Variants in TEX15 observed in about 807,000 individuals in gnomAD.
TEX15 encodes testis-expressed protein 15.
TEX15 carries 171 observed loss-of-function variants against 237.3 expected under a neutral mutation model. That is an observed-to-expected ratio of 0.72 (90% CI 0.64 to 0.82). The LOEUF is 0.82. Ranked by LOEUF, TEX15 falls within the 40% of genes least tolerant of loss-of-function variation. The pLI is 0.00. For missense variants in TEX15, 3,750 were observed against 3,646.5 expected (o/e 1.03, Z -0.73); for synonymous variants, 1,338 against 1,269.8 (o/e 1.05, Z -1.14).
chr8:30,867,386 G>A lies in TEX15; in HGVS notation c.419C>T (p.Ala140Val). ...QIYQNGISTR[A>V]STLKILGNPL... ...ATTTCCTAGTATCTTCAATGTAGAT[G>A]CTCTGGTACTTATTCCATTCTGATA... Residue 140 changes from alanine (A) to valine (V), a missense_variant, in exon 5 of 11, where the codon GCA becomes GTA. Ala to Val is a moderately conservative substitution (Grantham distance 64, BLOSUM62 0). Coordinates refer to ENST00000643185, the MANE Select transcript of TEX15 (RefSeq NM_001350162.2). 5.2e-6 allele frequency: 8 copies of A among 1,526,280 alleles called. No homozygotes were observed. Among genetic ancestry groups the A allele is most frequent in the Non-Finnish European group, 7.0e-6 (8 of 1,138,278 alleles). The allele number at this position is 1,526,280 out of a possible 1,614,324, so 94.5% of individuals were successfully genotyped here. A position where few individuals can be genotyped will look rare whatever the true frequency, so the allele number is the denominator to read the frequency against.
At chr8:30,901,065 G>C (rs865910076) in intron 1 of TEX15, among the ~76,000 whole-genome samples, 1 of 152,216 alleles carries the variant, frequency 6.6e-6, no homozygotes, top group African/African-American at 2.4e-5. Context: ...TTGAGCCTAG[G>C]AAGTCAAGGC....
chr8:30,889,954 C>CATATATATATATACGTATAT (rs1808760401), intron 2 of TEX15, among the ~76,000 whole-genome samples: 1 of 110,084 alleles, frequency 9.1e-6, no homozygotes, highest in African/African-American at 4.5e-5. Flanking sequence ...TATATATATA[C>CATATATATATATACGTATAT]ATATATATAT....
At chr8:30,898,590 A>G (rs892204672) in intron 2 of TEX15, among the ~76,000 whole-genome samples, 152 bp downstream of exon 2, 1 of 152,264 alleles carries the variant, frequency 6.6e-6, no homozygotes, top group African/African-American at 2.4e-5. Context: ...ATAAATATTT[A>G]CATACTTTAA....
chr8:30,842,957 A>G lies in TEX15; in HGVS notation c.7210T>C (p.Tyr2404His). Reference protein sequence around the residue: ...CTDHLEILKKYFQMLQDNNMD... With the variant: ...CTDHLEILKKHFQMLQDNNMD... Reference sequence around the variant, plus strand: ...TTATTATCTTGTAGCATCTGAAAGTATTTTTTTAAAATTTCTAAGTGATCT... The same window carrying G: ...TTATTATCTTGTAGCATCTGAAAGTGTTTTTTTAAAATTTCTAAGTGATCT... Residue 2404 changes from tyrosine to histidine, a missense_variant, in exon 8 of 11, where the codon TAC becomes CAC. Coordinates refer to ENST00000643185, the MANE Select transcript of TEX15 (RefSeq NM_001350162.2). 6.2e-7 allele frequency: 1 copy of G among 1,610,780 alleles called. No individual in the cohort carries two copies.
chr8:30,872,263 A>G (rs900529298), intron 4 of TEX15, among the ~76,000 whole-genome samples: 4 of 152,118 alleles, frequency 2.6e-5, no homozygotes, highest in African/African-American at 9.7e-5. Flanking sequence ...CAAAAATACA[A>G]TGGTGGTCCC....
At chr8:30,888,075 C>T (rs1273523495) in intron 2 of TEX15, among the ~76,000 whole-genome samples, 2 of 151,104 alleles carry the variant, frequency 1.3e-5, no homozygotes, top group Non-Finnish European at 3.0e-5. Flanking sequence ...CCAAATACTC[C>T]ATTTTTTTTT....
chr8:30,835,758 T>C (rs1187027554), intron 10 of TEX15, among the ~76,000 whole-genome samples: 1 of 152,226 alleles, frequency 6.6e-6, no homozygotes, highest in Non-Finnish European at 1.5e-5. Context: ...AAAACACCTA[T>C]ATTCTAATCA....
chr8:30,840,561 C>A (rs976914037), intron 8 of TEX15, among the ~76,000 whole-genome samples: 1 of 152,150 alleles, frequency 6.6e-6, no homozygotes, highest in African/African-American at 2.4e-5. Context: ...TTCTTGTAAA[C>A]CAGTTGCTAA....
chr8:30,847,338 T>A lies in TEX15; in HGVS notation c.2829A>T (p.Glu943Asp). ...SAATALLESEEDTISAVKQKD... is the reference protein window; with the variant it reads ...SAATALLESEDDTISAVKQKD... ...TTTGTTTCACGGCACTAATGGTATC[T>A]TCTTCACTCTCTAATAATGCAGTTG... The change falls in exon 8 of 11, where the codon GAA (glutamate) becomes GAT (aspartate). Residue 943 changes from glutamate to aspartate, a missense_variant. Glu to Asp is a conservative substitution (Grantham distance 45, BLOSUM62 2). Coordinates refer to ENST00000643185, the MANE Select transcript of TEX15 (RefSeq NM_001350162.2). The A allele has an allele frequency of 6.2e-7, 1 of 1,613,882 alleles. No individual in the cohort carries two copies. The highest frequency in any genetic ancestry group is 8.5e-7 in the Non-Finnish European group (1 of 1,179,916).
Position 30,907,651 on chromosome 8 carries a change from TTATA to T in TEX15, c.-86+5224_-86+5227del, listed in dbSNP as rs1282389623. Among the ~76,000 whole-genome samples the T allele has an allele frequency of 4.9e-5, 7 of 142,516 alleles. No individual in the cohort carries two copies. The East Asian group carries it at 1.4e-3, about 28-fold the overall frequency. 93.5% of individuals were successfully genotyped at this position (142,516 alleles called of 152,430 possible). A position where few individuals can be genotyped will look rare whatever the true frequency, so the allele number is the denominator to read the frequency against. ...ATAAATTTTATATCTAATTTATATA[TTATA>T]TATAATTTATATATAAATTATATAT... On this transcript the variant is annotated intron_variant, in intron 1 of 10. Transcript: ENST00000643185.
intron 1 of TEX15, among the ~76,000 whole-genome samples, chr8:30,907,452 T>C (rs1359381364): frequency 1.4e-5 from 2 of 148,022 alleles, no homozygotes; most frequent in Non-Finnish European, 3.0e-5. Context: ...ACAATGTATA[T>C]ATAAATTATA....
At position 30,845,663 on chromosome 8, in the gene TEX15, T is replaced by TG; in HGVS notation, c.4503dup (p.Thr1502HisfsTer10). ...CAAAATTCTCCCATGTGACTGGTGGTGGGGTGACTTTTTGAGACACTGCTA... is the reference window on the plus strand; with the variant it reads ...CAAAATTCTCCCATGTGACTGGTGGTGGGGGTGACTTTTTGAGACACTGCTA... On this transcript the variant is annotated frameshift_variant, in exon 8 of 11. Coordinates refer to ENST00000643185, the MANE Select transcript of TEX15 (RefSeq NM_001350162.2). LOFTEE classifies it high-confidence loss of function. The TG allele has an allele frequency of 6.2e-7, 1 of 1,613,594 alleles. No individual in the cohort carries two copies. Among genetic ancestry groups the TG allele is most frequent in the Non-Finnish European group, 8.5e-7 (1 of 1,179,614 alleles).
In TEX15 at chr8:30,848,577, C is replaced by T. The variant is rs916087505; in HGVS notation, c.1590G>A (p.Gly530=). ...AAAAATTACCTTGGTCCTTACATTG[C>T]CCTGCCATGGTAACTTTATTGGGAG... The part of the protein sequence containing the change: ...CIPPNKVTMA[G]QCKDQGNFSF... Residue 530 remains glycine (G), a synonymous_variant, in exon 8 of 11, where the codon GGG becomes GGA. Transcript: ENST00000643185. The T allele has an allele frequency of 1.2e-6, 2 of 1,613,974 alleles. No homozygotes were observed. Among genetic ancestry groups the T allele is most frequent in the Non-Finnish European group, 8.5e-7 (1 of 1,180,022 alleles).
Position 30,875,023 on chromosome 8 carries a change from T to G in TEX15, c.216A>C (p.Val72=). The G allele has an allele frequency of 7.2e-7, 1 of 1,397,838 alleles. No homozygotes were observed. Among genetic ancestry groups the G allele is most frequent in the Non-Finnish European group, 9.3e-7 (1 of 1,074,908 alleles). The allele number at this position is 1,397,838 out of a possible 1,614,324, so 86.6% of individuals were successfully genotyped here. The part of the protein sequence containing the change: ...HDTLNQCRLD[V]NCDLQSLWQF... Reference sequence around the variant, plus strand: ...GCCATAACGACTGCAGATCACAGTTTACATCAAGCCTGCACTGGTTAAGAG... The same window carrying G: ...GCCATAACGACTGCAGATCACAGTTGACATCAAGCCTGCACTGGTTAAGAG... The change falls in exon 4 of 11, where the codon GTA becomes GTC. Residue 72 remains valine, a synonymous_variant. Coordinates refer to ENST00000643185, the MANE Select transcript of TEX15 (RefSeq NM_001350162.2).
At chr8:30,883,855 G>C (rs1245685246) in intron 3 of TEX15, among the ~76,000 whole-genome samples, 2 of 152,048 alleles carry the variant, frequency 1.3e-5, no homozygotes, top group Non-Finnish European at 2.9e-5. Flanking sequence ...TATTCCTTTG[G>C]GTATATACCC....
At chr8:30,881,185 G>A (rs541710224) in intron 3 of TEX15, among the ~76,000 whole-genome samples, 2 of 152,130 alleles carry the variant, frequency 1.3e-5, no homozygotes, top group African/African-American at 2.4e-5. Flanking sequence ...CAATTATCAC[G>A]GACAATGGTC....
At chr8:30,909,403 C>A (rs947075672) in intron 1 of TEX15, among the ~76,000 whole-genome samples, 3 of 141,456 alleles carry the variant, frequency 2.1e-5, no homozygotes, top group Admixed American at 7.1e-5. Flanking sequence ...GACCCCCCCC[C>A]GCCCCCACTC....
chr8:30,847,051 T>C lies in TEX15; in HGVS notation c.3116A>G (p.Gln1039Arg). 1 of 1,612,840 alleles carries C rather than the reference T, an allele frequency of 6.2e-7. No individual in the cohort carries two copies. Among genetic ancestry groups the C allele is most frequent in the Non-Finnish European group, 8.5e-7 (1 of 1,179,272 alleles). Residue 1039 changes from glutamine (Q) to arginine (R), a missense_variant, in exon 8 of 11, where the codon CAA (glutamine) becomes CGA (arginine). Physicochemically the swap from Gln to Arg is conservative, Grantham distance 43 (BLOSUM62 1). Transcript: ENST00000643185. ...ATTTATTGATTGATGAAATGATTCT[T>C]GTGATTTATTTTTATCCGTATCAAT... ...CEIDTDKNKSQESFHQSINEN... is the reference protein window; with the variant it reads ...CEIDTDKNKSRESFHQSINEN...
intron 8 of TEX15, 60 bp downstream of exon 8, chr8:30,841,942 TTA>T (rs781134311): frequency 1.3e-5 from 16 of 1,219,860 alleles, no homozygotes; most frequent in Non-Finnish European, 1.8e-5. Flanking sequence ...ACTTGTTTGC[TTA>T]TGAGTAGACT....
Sources: gnomAD v4.1 joint callset for allele counts (sites outside exome capture counted in the v4.1 genomes callset) on GRCh38, gnomAD v4.1.1 for gene constraint, MANE v1.5 for transcripts, NCBI Gene and HGNC (gene_info 2026-07-23, HGNC 2026-07-21) for gene names.